Variants in RFX4 observed in about 807,000 individuals in gnomAD.
RFX4 encodes transcription factor RFX4.
A neutral mutation model predicts 95.0 loss-of-function variants in RFX4; 10 were observed. The observed-to-expected ratio is 0.11, with a 90% CI of 0.06 to 0.18. RFX4 has a LOEUF of 0.18. Among genes scored for constraint, RFX4 ranks in the 10% least tolerant of loss-of-function variants. The pLI is 1.00. For synonymous variants in RFX4, 321 were observed against 340.7 expected, an observed-to-expected ratio of 0.94 and a Z score of 0.64; for missense variants, 640 against 922.0, an observed-to-expected ratio of 0.69 and a Z score of 3.96.
chr12:106,705,748 G>C (rs1005194898), intron 8 of RFX4, among the ~76,000 whole-genome samples: 1 of 152,140 alleles, frequency 6.6e-6, no homozygotes, highest in African/African-American at 2.4e-5. Flanking sequence ...CAGAGATAAG[G>C]AGGGTAGGGA....
At chr12:106,655,991 G>T (rs1175612008) in intron 4 of RFX4, among the ~76,000 whole-genome samples, 1 of 152,154 alleles carries the variant, frequency 6.6e-6, no homozygotes, top group Non-Finnish European at 1.5e-5. Flanking sequence ...ACTCCAATTT[G>T]CCTGCACAAG....
intron 17 of RFX4, among the ~76,000 whole-genome samples, chr12:106,755,293 G>A (rs533979674): frequency 1.3e-5 from 2 of 152,042 alleles, no homozygotes; most frequent in Non-Finnish European, 2.9e-5. Context: ...ACAAAGTCTC[G>A]CCATGTTGAC....
intron 16 of RFX4, among the ~76,000 whole-genome samples, chr12:106,747,883 G>A (rs1468221354): frequency 6.7e-6 from 1 of 148,894 alleles, no homozygotes; most frequent in Non-Finnish European, 1.5e-5. Flanking sequence ...AGCTGAGATC[G>A]CACCGCTGAA....
At chr12:106,611,052 G>A (rs563076301) in intron 2 of RFX4, among the ~76,000 whole-genome samples, 2 of 151,944 alleles carry the variant, frequency 1.3e-5, no homozygotes, top group Non-Finnish European at 2.9e-5. Flanking sequence ...GTTTTCATTT[G>A]CAATTCCCTA....
chr12:106,621,807 G>A (rs542856682), intron 2 of RFX4, among the ~76,000 whole-genome samples: 11 of 148,898 alleles, frequency 7.4e-5, no homozygotes, highest in Middle Eastern at 3.4e-3. Flanking sequence ...AAGATCTTTC[G>A]GGAAAGATCT....
intron 3 of RFX4, among the ~76,000 whole-genome samples, chr12:106,640,438 A>T (rs540623378): frequency 1.3e-5 from 2 of 152,330 alleles, no homozygotes; most frequent in East Asian, 1.9e-4. Flanking sequence ...GGAAAACAAC[A>T]CTGGGAGAAA....
intron 8 of RFX4, among the ~76,000 whole-genome samples, chr12:106,704,857 T>C (rs1226869287): frequency 1.3e-5 from 2 of 151,882 alleles, no homozygotes; most frequent in African/African-American, 2.4e-5. Flanking sequence ...GTGTGTGTCG[T>C]ATGGGCAGGG....
chr12:106,610,379 G>C (rs1195998688), intron 2 of RFX4, among the ~76,000 whole-genome samples: 1 of 150,302 alleles, frequency 6.7e-6, no homozygotes, highest in Non-Finnish European at 1.5e-5. Context: ...CATTCACCTT[G>C]TTGTGCAGCC....
chr12:106,735,760 AAT>A (rs1301473050), intron 15 of RFX4, among the ~76,000 whole-genome samples: 8 of 152,344 alleles, frequency 5.3e-5, no homozygotes, highest in African/African-American at 1.9e-4. Context: ...ATGGGAAATA[AAT>A]AGATTAATAT....
intron 8 of RFX4, among the ~76,000 whole-genome samples, chr12:106,697,568 A>G (rs1835288422): frequency 6.6e-6 from 1 of 152,058 alleles, no homozygotes; most frequent in African/African-American, 2.4e-5. Context: ...TCTGGAGGCC[A>G]GAAGTCCCAA....
At chr12:106,745,754 C>T (rs1417471574) in intron 15 of RFX4, among the ~76,000 whole-genome samples, 1 of 152,148 alleles carries the variant, frequency 6.6e-6, no homozygotes. Flanking sequence ...TAAAAATGTC[C>T]TCCCTTAAAT....
intron 1 of RFX4, 147 bp downstream of exon 1, chr12:106,583,510 C>T: frequency 1.5e-6 from 1 of 650,590 alleles, no homozygotes; most frequent in Non-Finnish European, 2.4e-6. Context: ...CAGAAGTTTT[C>T]AATTCGAGGC....
intron 4 of RFX4, among the ~76,000 whole-genome samples, chr12:106,672,699 C>T (rs1195059171): frequency 1.3e-5 from 2 of 150,696 alleles, no homozygotes; most frequent in East Asian, 1.9e-4. Flanking sequence ...GATTCAGGGA[C>T]CAGTTGATTA....
intron 8 of RFX4, among the ~76,000 whole-genome samples, chr12:106,699,917 T>C (rs1471753032): frequency 6.6e-6 from 1 of 152,162 alleles, no homozygotes. Context: ...AGATCTTCCC[T>C]CTTCCTAGTT....
At chr12:106,754,972 T>C (rs2043082430) in intron 17 of RFX4, among the ~76,000 whole-genome samples, 1 of 152,228 alleles carries the variant, frequency 6.6e-6, no homozygotes, top group Non-Finnish European at 1.5e-5. Flanking sequence ...CAAAATATAC[T>C]CTCTGGGGGA....
chr12:106,747,192 G>A (rs1292050540), intron 15 of RFX4, among the ~76,000 whole-genome samples: 1 of 152,156 alleles, frequency 6.6e-6, no homozygotes, highest in Admixed American at 6.6e-5. Context: ...GAAACAGCAC[G>A]TGCAAAGGCC....
chr12:106,626,361 AGT>A (rs2040299639), intron 2 of RFX4, among the ~76,000 whole-genome samples: 1 of 152,194 alleles, frequency 6.6e-6, no homozygotes, highest in Non-Finnish European at 1.5e-5. Context: ...TGGTTCCTGC[AGT>A]GATGGGAAAA....
At position 106,720,524 on chromosome 12, in the gene RFX4, A is replaced by G. The variant is rs1047462257; in HGVS notation, c.1234-235A>G. On this transcript the variant is annotated intron_variant, in intron 12 of 17. Coordinates refer to ENST00000392842, the MANE Select transcript of RFX4 (RefSeq NM_213594.3). The surrounding 1 kb of genome is among the most constrained non-coding windows in gnomAD (Gnocchi z 4.2). ...CAGCCTCCTGAGTAGCTGGGACTAC[A>G]GGGGTGTGCCACCATTCCCAGCTAA... 6.6e-6 allele frequency among the ~76,000 whole-genome samples: 1 copy of G among 152,094 alleles called. No homozygotes were observed. The highest frequency in any genetic ancestry group is 2.4e-5 in the African/African-American group (1 of 41,418).
At chr12:106,735,824 A>AC (rs762173897) in intron 15 of RFX4, among the ~76,000 whole-genome samples, 9 of 152,204 alleles carry the variant, frequency 5.9e-5, no homozygotes, top group Non-Finnish European at 1.2e-4. Flanking sequence ...AAGTACAGAG[A>AC]CAAGTGTTAT....
Sources: allele counts gnomAD v4.1 joint callset (sites outside exome capture counted in the v4.1 genomes callset), GRCh38; gene constraint gnomAD v4.1.1; non-coding constraint Gnocchi (gnomAD v3.1); transcripts MANE v1.5; gene names NCBI Gene and HGNC (gene_info 2026-07-23, HGNC 2026-07-21).